The following SCGN variants were observed in gnomAD, a reference collection of about 807,000 sequenced individuals.
SCGN encodes secretagogin.
A neutral mutation model predicts 39.7 loss-of-function variants in SCGN; 30 were observed. That is an observed-to-expected ratio of 0.76 (90% confidence interval 0.57 to 1.03). SCGN has a LOEUF of 1.03. Ranked by LOEUF, SCGN falls within the 50% of genes least tolerant of loss-of-function variation. The pLI is 0.00. For synonymous variants in SCGN, 106 were observed against 114.1 expected (o/e 0.93, Z 0.45); for missense variants, 353 against 349.4 (o/e 1.01, Z -0.08).
At chr6:25,700,401 A>G (rs1759896114) in intron 10 of SCGN, among the ~76,000 whole-genome samples, 1 of 152,136 alleles carries the variant, frequency 6.6e-6, no homozygotes, top group African/African-American at 2.4e-5. Flanking sequence ...AAATTTTGCA[A>G]TGAGCACTCA....
intron 6 of SCGN, among the ~76,000 whole-genome samples, chr6:25,674,220 A>G (rs1030339981): frequency 7.2e-5 from 11 of 152,206 alleles, no homozygotes; most frequent in Non-Finnish European, 1.5e-4. Context: ...TTATGCACTG[A>G]GGTGAGAGCC....
At position 25,681,937 on chromosome 6, in the gene SCGN, C is replaced by G; in HGVS notation, c.472-14C>G. 3 of 1,609,594 alleles carry G rather than the reference C, an allele frequency of 1.9e-6. No homozygotes were observed. The highest frequency in any genetic ancestry group is 2.6e-6 in the Non-Finnish European group (3 of 1,175,932). On this transcript the variant is annotated splice_polypyrimidine_tract_variant and intron_variant, in intron 6 of 10. Coordinates refer to ENST00000377961, the MANE Select transcript of SCGN (RefSeq NM_006998.4). ...CCTGTTACAAGTACAACCATTTTCCCTTCTGCATTTCAGATGAAGATTTTT... is the reference window on the plus strand; with the variant it reads ...CCTGTTACAAGTACAACCATTTTCCGTTCTGCATTTCAGATGAAGATTTTT...
chr6:25,699,589 C>CAAA (rs35915067), intron 10 of SCGN, among the ~76,000 whole-genome samples: 27 of 53,790 alleles, frequency 5.0e-4, no homozygotes, highest in African/African-American at 1.0e-3. Flanking sequence ...AACTCTGTCT[C>CAAA]AAAAAAAAAA....
intron 6 of SCGN, among the ~76,000 whole-genome samples, chr6:25,676,962 A>G (rs1174750826): frequency 6.6e-6 from 1 of 152,132 alleles, no homozygotes; most frequent in African/African-American, 2.4e-5. Flanking sequence ...TTAAACTCCT[A>G]TTTATGGCTT....
At chr6:25,668,236 C>A (rs1759421535) in intron 4 of SCGN, among the ~76,000 whole-genome samples, 1 of 151,644 alleles carries the variant, frequency 6.6e-6, no homozygotes, top group Non-Finnish European at 1.5e-5. Context: ...AAAAAACTTA[C>A]TGTAACCTTT....
chr6:25,681,106 T>C (rs1478592183), intron 6 of SCGN, among the ~76,000 whole-genome samples: 1 of 152,220 alleles, frequency 6.6e-6, no homozygotes. Flanking sequence ...CCCAAACCAA[T>C]CTGGTCTTTC....
chr6:25,697,356 G>A (rs773391156), intron 10 of SCGN, among the ~76,000 whole-genome samples: 7 of 152,166 alleles, frequency 4.6e-5, no homozygotes, highest in African/African-American at 9.7e-5. Flanking sequence ...TACAGAATAA[G>A]GTTCTGGTTA....
Position 25,665,017 on chromosome 6 carries a change from C to T in SCGN, c.321C>T (p.Ser107=), listed in dbSNP as rs140955997. 4.0e-4 allele frequency: 641 copies of T among 1,613,414 alleles called. 2 individuals are homozygous for T. Among genetic ancestry groups the T allele is most frequent in the Non-Finnish European group, 1.7e-4 (203 of 1,179,522 alleles). Residue 107 remains serine (S), a synonymous_variant, in exon 4 of 11, where the codon AGC becomes AGT. Transcript: ENST00000377961. Reference sequence around the variant, plus strand: ...GCCGGGAAAACCCACTGGACAGCAGCGTGGAGTTTATGCAGGTGAGTGCTT... The same window carrying T: ...GCCGGGAAAACCCACTGGACAGCAGTGTGGAGTTTATGCAGGTGAGTGCTT... The part of the protein sequence containing the change: ...LFRRENPLDS[S]VEFMQIWRKY...
chr6:25,699,379 A>G lies in SCGN; in HGVS notation c.703-1828A>G, dbSNP rs187270657. 5.1e-3 allele frequency among the ~76,000 whole-genome samples: 780 copies of G among 152,148 alleles called. 2 individuals are homozygous for G. The highest frequency in any genetic ancestry group is 8.8e-3 in the Non-Finnish European group (599 of 67,992). On this transcript the variant is annotated intron_variant, in intron 10 of 10. Coordinates refer to ENST00000377961, the MANE Select transcript of SCGN (RefSeq NM_006998.4). ...CGAGGCAGGTGTGTCATCTCAGGTCAGGAGTTTGAGATCAGCCTGGCCAAC... is the reference window on the plus strand; with the variant it reads ...CGAGGCAGGTGTGTCATCTCAGGTCGGGAGTTTGAGATCAGCCTGGCCAAC...
intron 10 of SCGN, among the ~76,000 whole-genome samples, chr6:25,695,485 C>A (rs1241801993): frequency 6.6e-6 from 1 of 152,084 alleles, no homozygotes; most frequent in Admixed American, 6.6e-5. Context: ...CCAAGTATAC[C>A]ATACAATATT....
At chr6:25,655,343 T>C (rs570196651) in intron 2 of SCGN, among the ~76,000 whole-genome samples, 1 of 152,320 alleles carries the variant, frequency 6.6e-6, no homozygotes, top group East Asian at 1.9e-4. Flanking sequence ...GGGTCTGCAC[T>C]AAGATGAGGA....
chr6:25,658,918 A>G (rs1254897201), intron 2 of SCGN, among the ~76,000 whole-genome samples: 2 of 152,238 alleles, frequency 1.3e-5, no homozygotes, highest in African/African-American at 2.4e-5. Flanking sequence ...GCAGTTCCCT[A>G]TATATCCAGT....
rs1759751385 is a variant in SCGN at position 25,689,629 on chromosome 6, C to G, written c.633+97C>G. On this transcript the variant is annotated intron_variant, in intron 9 of 10. Coordinates refer to ENST00000377961, the MANE Select transcript of SCGN (RefSeq NM_006998.4). ...TCTTACCCAACAGACCCTAAACTTA[C>G]ATGATGAATACCAATCCCATCTGTG... The G allele has an allele frequency of 1.6e-5, 15 of 940,932 alleles. No individual in the cohort carries two copies. In the South Asian group the frequency reaches 2.1e-4, roughly 13 times the overall value. The allele number at this position is 940,932 out of a possible 1,614,324, so 58.3% of individuals were successfully genotyped here.
intron 4 of SCGN, among the ~76,000 whole-genome samples, chr6:25,669,035 C>G (rs1335146471): frequency 6.7e-6 from 1 of 149,184 alleles, no homozygotes. Context: ...GGCGTGAACC[C>G]GGGAGGCGGA....
At chr6:25,686,586 T>G (rs140087176) in intron 7 of SCGN, among the ~76,000 whole-genome samples, 1 of 152,340 alleles carries the variant, frequency 6.6e-6, no homozygotes, top group East Asian at 1.9e-4. Flanking sequence ...CTGTATATAT[T>G]CTGTGCACTA....
Position 25,689,474 on chromosome 6 carries a change from CT to C in SCGN, c.577del (p.Cys193ValfsTer37). On this transcript the variant is annotated frameshift_variant and splice_region_variant, in exon 9 of 11. Transcript: ENST00000377961. LOFTEE classifies it high-confidence loss of function. ...ENFLLQFKMD[A>X]CSTEERKRDF... is the part of the protein sequence containing the mutation. Reference sequence around the variant, plus strand: ...ACATAATGTTTTTTCCTTACACAGGCTTGTTCTACTGAAGAAAGGAAAAGGG... The same window carrying C: ...ACATAATGTTTTTTCCTTACACAGGCTGTTCTACTGAAGAAAGGAAAAGGG... The C allele has an allele frequency of 6.2e-7, 1 of 1,612,752 alleles. No homozygotes were observed. Among genetic ancestry groups the C allele is most frequent in the Non-Finnish European group, 8.5e-7 (1 of 1,178,782 alleles).
rs180912963 is a variant in SCGN at position 25,665,011 on chromosome 6, C to T, written c.315C>T (p.Asp105=). 6.2e-7 allele frequency: 1 copy of T among 1,613,862 alleles called. No individual in the cohort carries two copies. The highest frequency in any genetic ancestry group is 2.2e-5 in the East Asian group (1 of 44,882). ...LLLFRRENPL[D]SSVEFMQIWR... ...TCTTTCGCCGGGAAAACCCACTGGA[C>T]AGCAGCGTGGAGTTTATGCAGGTGA... The change falls in exon 4 of 11, where the codon GAC becomes GAT. Residue 105 remains aspartate, a synonymous_variant. Coordinates refer to ENST00000377961, the MANE Select transcript of SCGN (RefSeq NM_006998.4).
At chr6:25,669,164 T>C (rs1218246208) in intron 4 of SCGN, among the ~76,000 whole-genome samples, 1 of 152,086 alleles carries the variant, frequency 6.6e-6, no homozygotes, top group Non-Finnish European at 1.5e-5. Flanking sequence ...AGGTATTTAG[T>C]ACTGAGGAGG....
intron 2 of SCGN, among the ~76,000 whole-genome samples, chr6:25,657,123 G>A (rs1436981941): frequency 6.6e-6 from 1 of 152,162 alleles, no homozygotes; most frequent in East Asian, 1.9e-4. Context: ...AACTAGACAG[G>A]TTAATCCCAC....
Sources: gnomAD v4.1 joint callset for allele counts (sites outside exome capture counted in the v4.1 genomes callset) on GRCh38, gnomAD v4.1.1 for gene constraint, MANE v1.5 for transcripts, NCBI Gene and HGNC (gene_info 2026-07-23, HGNC 2026-07-21) for gene names.